NCAM1: variants seen among roughly 807,000 people sequenced by gnomAD.
The protein encoded by NCAM1 is neural cell adhesion molecule 1.
A neutral mutation model predicts 109.8 loss-of-function variants in NCAM1; 14 were observed. The ratio of observed to expected loss-of-function variants is 0.13; its 90% CI spans 0.08 to 0.20. The LOEUF (loss-of-function observed/expected upper bound fraction) is 0.20. Ranked by LOEUF, NCAM1 falls within the 10% of genes least tolerant of loss-of-function variation. The pLI is 1.00. For synonymous variants in NCAM1, 418 were observed against 442.9 expected (o/e 0.94, Z 0.70); for missense variants, 774 against 1,109.9 (o/e 0.70, Z 4.30).
intron 1 of NCAM1, among the ~76,000 whole-genome samples, chr11:113,107,464 G>A (rs1359223536): frequency 6.6e-6 from 1 of 152,088 alleles, no homozygotes; most frequent in African/African-American, 2.4e-5. Flanking sequence ...TTTTCATGCT[G>A]GTGATAAAGA....
At chr11:113,019,918 G>C (rs941710436) in intron 1 of NCAM1, among the ~76,000 whole-genome samples, 2 of 152,160 alleles carry the variant, frequency 1.3e-5, no homozygotes, top group Non-Finnish European at 2.9e-5. Flanking sequence ...CTGTGTGGTA[G>C]TCTTTGTTAA....
intron 18 of NCAM1, among the ~76,000 whole-genome samples, chr11:113,271,362 T>A (rs1193393648): frequency 4.5e-5 from 4 of 89,432 alleles, no homozygotes; most frequent in Non-Finnish European, 7.6e-5. Flanking sequence ...ATAGAGAGAC[T>A]CTGTCTCAAA....
intron 7 of NCAM1, among the ~76,000 whole-genome samples, chr11:113,210,263 T>C (rs1245134097): frequency 1.8e-4 from 28 of 152,104 alleles, no homozygotes; most frequent in Non-Finnish European, 1.5e-5. Context: ...TGAAGTGCTA[T>C]CTGTAAGTTA....
chr11:113,258,668 G>GA (rs1945893985), intron 16 of NCAM1, among the ~76,000 whole-genome samples: 1 of 152,120 alleles, frequency 6.6e-6, no homozygotes, highest in Non-Finnish European at 1.5e-5. Flanking sequence ...CTAGCCCAGA[G>GA]AAAAATATTT....
chr11:113,069,928 A>G (rs1938179816), intron 1 of NCAM1, among the ~76,000 whole-genome samples: 1 of 152,172 alleles, frequency 6.6e-6, no homozygotes. Context: ...GATGGGATCC[A>G]GTGAGTTGGA....
chr11:113,082,838 T>G, intron 1 of NCAM1, among the ~76,000 whole-genome samples: 1 of 152,198 alleles, frequency 6.6e-6, no homozygotes, highest in East Asian at 1.9e-4. Context: ...CAACCCTCTA[T>G]GTCCCTGGAG....
intron 1 of NCAM1, among the ~76,000 whole-genome samples, chr11:112,965,941 G>A (rs1591194840): frequency 6.6e-6 from 1 of 152,158 alleles, no homozygotes; most frequent in East Asian, 1.9e-4. Context: ...ACCTGCCCCC[G>A]TCAGTCTGCG....
At chr11:113,051,727 A>G (rs1953500521) in intron 1 of NCAM1, among the ~76,000 whole-genome samples, 1 of 152,218 alleles carries the variant, frequency 6.6e-6, no homozygotes, top group Non-Finnish European at 1.5e-5. Flanking sequence ...AGATACCTAT[A>G]AAATATTTAA....
At chr11:112,999,837 T>G (rs1433606594) in intron 1 of NCAM1, among the ~76,000 whole-genome samples, 8 of 152,202 alleles carry the variant, frequency 5.3e-5, no homozygotes, top group Admixed American at 2.6e-4. Flanking sequence ...GTATGTTGAT[T>G]GTATACTTCT....
chr11:112,973,224 G>C (rs1487923705), intron 1 of NCAM1, among the ~76,000 whole-genome samples: 4 of 152,104 alleles, frequency 2.6e-5, no homozygotes, highest in Non-Finnish European at 5.9e-5. Flanking sequence ...AGGAGTGATT[G>C]ATTACTTTTC....
intron 8 of NCAM1, among the ~76,000 whole-genome samples, chr11:113,217,516 G>T (rs569339223): frequency 6.6e-6 from 1 of 151,586 alleles, no homozygotes; most frequent in East Asian, 1.9e-4. Context: ...AAATTTTGCT[G>T]TGCTCAGTGT....
At chr11:113,009,335 T>TG (rs1951981355) in intron 1 of NCAM1, among the ~76,000 whole-genome samples, 2 of 142,894 alleles carry the variant, frequency 1.4e-5, no homozygotes, top group Admixed American at 1.4e-4. Context: ...TTTTTTTTTT[T>TG]TTTTTTATTG....
chr11:113,169,011 GAGA>G (rs782002612), intron 1 of NCAM1, among the ~76,000 whole-genome samples: 2 of 151,466 alleles, frequency 1.3e-5, no homozygotes, highest in Non-Finnish European at 2.9e-5. Context: ...AAAGAGGAGA[GAGA>G]AGATCCTCTC....
At chr11:113,081,874 C>G (rs1330675422) in intron 1 of NCAM1, among the ~76,000 whole-genome samples, 1 of 152,172 alleles carries the variant, frequency 6.6e-6, no homozygotes, top group Non-Finnish European at 1.5e-5. Context: ...TGGATTCTTT[C>G]TGTTAAAGAA....
intron 1 of NCAM1, among the ~76,000 whole-genome samples, chr11:112,972,132 T>C (rs1565356774): frequency 6.6e-6 from 1 of 152,124 alleles, no homozygotes; most frequent in Non-Finnish European, 1.5e-5. Context: ...CACACAACTT[T>C]AGGTGAGAGT....
chr11:113,152,004 TA>T (rs1942241825), intron 1 of NCAM1, among the ~76,000 whole-genome samples: 1 of 152,144 alleles, frequency 6.6e-6, no homozygotes, highest in South Asian at 2.1e-4. Flanking sequence ...TCTAAGTGCA[TA>T]AAACTTGCCT....
intron 7 of NCAM1, among the ~76,000 whole-genome samples, chr11:113,211,243 T>A (rs1555113624): frequency 1.3e-5 from 2 of 152,186 alleles, no homozygotes; most frequent in Admixed American, 6.5e-5. Context: ...ATGGGACAGG[T>A]TCTGCAAGTG....
chr11:112,964,280 T>A (rs1555064649), intron 1 of NCAM1, among the ~76,000 whole-genome samples: 2 of 152,010 alleles, frequency 1.3e-5, no homozygotes, highest in Non-Finnish European at 2.9e-5. Context: ...GTGAGTCCGA[T>A]GGGCTGCCCC....
intron 1 of NCAM1, among the ~76,000 whole-genome samples, chr11:113,073,072 C>T (rs782214127): frequency 6.6e-6 from 1 of 152,122 alleles, no homozygotes; most frequent in East Asian, 1.9e-4. Flanking sequence ...AACTCAATTA[C>T]TCTAAATATC....
Sources: allele counts gnomAD v4.1 joint callset (sites outside exome capture counted in the v4.1 genomes callset), GRCh38; gene constraint gnomAD v4.1.1; transcripts MANE v1.5; gene names NCBI Gene and HGNC (gene_info 2026-07-23, HGNC 2026-07-21).